The following GPRASP3 variants were observed in gnomAD, a reference collection of about 807,000 sequenced individuals.
GPRASP3 encodes G protein-coupled receptor associated sorting protein 3.
the GPRASP3 span, among the ~76,000 whole-genome samples, chrX:102,745,121 G>T: frequency 9.0e-6 from 1 of 110,911 alleles, no homozygotes; most frequent in Non-Finnish European, 1.9e-5. Flanking sequence ...CGCGAATAGT[G>T]GTCCCCTCTC....
the GPRASP3 span, among the ~76,000 whole-genome samples, chrX:102,734,965 A>T: frequency 8.9e-6 from 1 of 112,231 alleles, no homozygotes; most frequent in Non-Finnish European, 1.9e-5. Flanking sequence ...AGAAATAGAC[A>T]TGATTTATAA....
chrX:102,748,243 C>T, the GPRASP3 span, among the ~76,000 whole-genome samples: 1 of 111,696 alleles, frequency 9.0e-6, no homozygotes, highest in East Asian at 2.8e-4. Context: ...AACTCCAATC[C>T]CATCTGTATT....
the GPRASP3 span, chrX:102,749,393 T>C: frequency 8.3e-7 from 1 of 1,210,370 alleles, no homozygotes; most frequent in Admixed American, 2.2e-5. Context: ...GGTAATAGTT[T>C]CAGCACTAAG....
At chrX:102,741,364 C>A in the GPRASP3 span, among the ~76,000 whole-genome samples, 1 of 111,833 alleles carries the variant, frequency 8.9e-6, no homozygotes, top group Non-Finnish European at 1.9e-5. Flanking sequence ...CCCTCCTTCT[C>A]CTTAGGAAGT....
chrX:102,733,680 A>G, the GPRASP3 span, among the ~76,000 whole-genome samples: 1 of 109,382 alleles, frequency 9.1e-6, no homozygotes, highest in African/African-American at 3.3e-5. Flanking sequence ...TCAGTCTTTT[A>G]TTAGTTTTGT....
At chrX:102,739,395 T>C in the GPRASP3 span, among the ~76,000 whole-genome samples, 2 of 111,624 alleles carry the variant, frequency 1.8e-5, no homozygotes, top group Admixed American at 1.9e-4. Flanking sequence ...GAGAAGGGCA[T>C]GGAAGTAATT....
chrX:102,741,329 G>A, the GPRASP3 span, among the ~76,000 whole-genome samples: 1 of 112,185 alleles, frequency 8.9e-6, no homozygotes, highest in Admixed American at 9.4e-5. Flanking sequence ...GCTTCCGTTA[G>A]TGTGGGCTGC....
chrX:102,727,651 G>T, the GPRASP3 span, among the ~76,000 whole-genome samples: 59 of 112,396 alleles, frequency 5.2e-4, no homozygotes, highest in Admixed American at 1.4e-3. Context: ...AGCACAAAGA[G>T]CACAGTGACA....
the GPRASP3 span, among the ~76,000 whole-genome samples, chrX:102,734,952 G>C: frequency 9.0e-6 from 1 of 111,711 alleles, no homozygotes. Context: ...CATTAATTAG[G>C]TCAGAAATAG....
chrX:102,740,557 T>C, the GPRASP3 span, among the ~76,000 whole-genome samples: 2 of 111,039 alleles, frequency 1.8e-5, no homozygotes, highest in African/African-American at 3.3e-5. Flanking sequence ...TCAACAAGCA[T>C]CAAGAGCAGC....
At chrX:102,720,894 T>C in the GPRASP3 span, 1 of 111,822 alleles carries the variant, frequency 8.9e-6, no homozygotes, top group Non-Finnish European at 1.9e-5. Flanking sequence ...ACAGCATTTG[T>C]TGGTAAAGGA....
At chrX:102,721,106 C>T in the GPRASP3 span, 1 of 111,279 alleles carries the variant, frequency 9.0e-6, no homozygotes, top group Admixed American at 9.6e-5. Flanking sequence ...TGCCTCAGAT[C>T]CGCCTGCTCC....
chrX:102,739,105 G>A, the GPRASP3 span, among the ~76,000 whole-genome samples: 148 of 110,996 alleles, frequency 1.3e-3, no homozygotes, highest in African/African-American at 4.7e-3. Flanking sequence ...GCAGAGGGAT[G>A]ACTTTGAATA....
chrX:102,740,313 T>C, the GPRASP3 span, among the ~76,000 whole-genome samples: 1 of 111,280 alleles, frequency 9.0e-6, no homozygotes, highest in Non-Finnish European at 1.9e-5. Flanking sequence ...AGAGATCGAT[T>C]GATTGATTGA....
At chrX:102,723,276 C>T in the GPRASP3 span, among the ~76,000 whole-genome samples, 4 of 111,729 alleles carry the variant, frequency 3.6e-5, no homozygotes, top group African/African-American at 9.8e-5. Context: ...CACTCCTATC[C>T]TTATGTTTAT....
At chrX:102,741,723 C>T in the GPRASP3 span, among the ~76,000 whole-genome samples, 1 of 111,843 alleles carries the variant, frequency 8.9e-6, no homozygotes, top group African/African-American at 3.3e-5. Flanking sequence ...ATATCATATG[C>T]AAACTGAAGA....
chrX:102,746,718 G>A, the GPRASP3 span, among the ~76,000 whole-genome samples: 7 of 112,867 alleles, frequency 6.2e-5, no homozygotes, highest in African/African-American at 2.2e-4. Context: ...CTGCGTGATA[G>A]GTCTGTTGGG....
the GPRASP3 span, among the ~76,000 whole-genome samples, chrX:102,734,144 C>A: frequency 9.0e-6 from 1 of 111,699 alleles, no homozygotes; most frequent in African/African-American, 3.3e-5. Flanking sequence ...ATTTTCACTT[C>A]TTTTGTGATT....
At chrX:102,731,877 C>T in the GPRASP3 span, among the ~76,000 whole-genome samples, 1 of 111,836 alleles carries the variant, frequency 8.9e-6, no homozygotes, top group South Asian at 3.8e-4. Flanking sequence ...AGGCTTTCTT[C>T]CCTTTTCCAG....
Sources: allele counts gnomAD v4.1 joint callset (sites outside exome capture counted in the v4.1 genomes callset), GRCh38; gene constraint gnomAD v4.1.1; transcripts MANE v1.5; gene names NCBI Gene and HGNC (gene_info 2026-07-23, HGNC 2026-07-21).